Variants in RUFY2 observed in about 807,000 individuals in gnomAD.
RUFY2 encodes the protein RUN and FYVE domain-containing protein 2.
Under a neutral mutation model 94.4 loss-of-function variants are expected in RUFY2, and 49 were observed. The observed-to-expected ratio is 0.52, with a 90% CI of 0.41 to 0.66. RUFY2 has a LOEUF of 0.66. Ranked by LOEUF, RUFY2 falls within the 30% of genes least tolerant of loss-of-function variation. The pLI, the probability that RUFY2 is intolerant of heterozygous loss-of-function variation, is 0.00. For missense variants in RUFY2, 541 were observed against 692.8 expected (o/e 0.78, Z 2.46); for synonymous variants, 255 against 235.7 (o/e 1.08, Z -0.75).
downstream of RUFY2, chr10:68,341,731 C>CA: frequency 6.3e-7 from 1 of 1,584,414 alleles, no homozygotes; most frequent in South Asian, 1.1e-5. Context: ...CGATGAGTCT[C>CA]AATTTTTTTT....
intron 7 of RUFY2, among the ~76,000 whole-genome samples, chr10:68,387,096 C>A (rs939254546): frequency 5.3e-5 from 8 of 152,184 alleles, no homozygotes. Context: ...GTGGCTCACA[C>A]CTGTAATCCC....
intron 16 of RUFY2, among the ~76,000 whole-genome samples, chr10:68,354,131 T>C (rs1327699036): frequency 6.6e-6 from 1 of 152,116 alleles, no homozygotes; most frequent in Non-Finnish European, 1.5e-5. Flanking sequence ...ATCATCATCA[T>C]TATTATTAAT....
At chr10:68,406,925 TG>T in intron 1 of RUFY2, 1 of 1,560,064 alleles carries the variant, frequency 6.4e-7, no homozygotes, top group Non-Finnish European at 8.7e-7. Context: ...TCCTCGCTCC[TG>T]GACGCCGTGG....
chr10:68,371,577 C>T (rs1032004358), intron 13 of RUFY2, among the ~76,000 whole-genome samples: 3 of 147,798 alleles, frequency 2.0e-5, no homozygotes, highest in Non-Finnish European at 3.0e-5. Flanking sequence ...GGCGACAGAG[C>T]GAGACTCCGC....
At chr10:68,354,517 T>C (rs1028977825) in intron 16 of RUFY2, among the ~76,000 whole-genome samples, 4 of 152,346 alleles carry the variant, frequency 2.6e-5, no homozygotes, top group Middle Eastern at 3.4e-3. Context: ...GGAAGCCACC[T>C]ATCACTGAAG....
At position 68,345,628 on chromosome 10, in the gene RUFY2, T is replaced by A; in HGVS notation, c.*140A>T. On this transcript the variant is annotated 3_prime_UTR_variant, in exon 18 of 18. Transcript: ENST00000602465. The stretch of plus-strand genomic sequence containing the variant: ...GGAAATATATAACTTGTAATTTCCA[T>A]GAGCTGAATATGTAGAAGATAAACT... 1.5e-6 allele frequency: 1 copy of A among 648,576 alleles called. No homozygotes were observed. Among genetic ancestry groups the A allele is most frequent in the Non-Finnish European group, 2.6e-6 (1 of 383,506 alleles). 40.2% of individuals were successfully genotyped at this position (648,576 alleles called of 1,614,324 possible). A position where few individuals can be genotyped will look rare whatever the true frequency, so the allele number is the denominator to read the frequency against.
chr10:68,350,967 T>G (rs1199489788), intron 16 of RUFY2, among the ~76,000 whole-genome samples: 3 of 152,070 alleles, frequency 2.0e-5, no homozygotes, highest in Non-Finnish European at 4.4e-5. Context: ...CACCTCGGCC[T>G]CCTAAAGTGC....
chr10:68,346,155 A>C, intron 16 of RUFY2, 71 bp from the exon 17 acceptor site: 2 of 1,154,348 alleles, frequency 1.7e-6, no homozygotes, highest in Non-Finnish European at 1.3e-6. Flanking sequence ...TTTTCCCCCA[A>C]GAACATTATT....
chr10:68,365,516 T>C (rs1305728852), intron 13 of RUFY2, among the ~76,000 whole-genome samples: 2 of 152,242 alleles, frequency 1.3e-5, no homozygotes, highest in African/African-American at 2.4e-5. Context: ...TGGTTCCTAC[T>C]GGGTGCCTGA....
chr10:68,381,840 T>C (rs10823187), intron 10 of RUFY2, among the ~76,000 whole-genome samples: 27,020 of 152,166 alleles, frequency 0.18, 2,604 homozygotes, highest in South Asian at 0.25. Flanking sequence ...AGAGTAAGAC[T>C]CTGTCTCAAA....
intron 11 of RUFY2, 34 bp from the exon 12 acceptor site, chr10:68,379,555 ATTTGTGTGTGTGTG>A (rs769024587): frequency 2.3e-5 from 34 of 1,479,534 alleles, no homozygotes; most frequent in African/African-American, 5.6e-5. Flanking sequence ...GGTGGTTTTG[ATTTGTGTGTGTGTG>A]TTTGTGTGTG....
chr10:68,364,937 A>C (rs1369714559), intron 13 of RUFY2, among the ~76,000 whole-genome samples: 1 of 152,056 alleles, frequency 6.6e-6, no homozygotes, highest in Non-Finnish European at 1.5e-5. Flanking sequence ...AAAAACAAAC[A>C]CAAATCACTT....
intron 12 of RUFY2, 78 bp from the exon 13 acceptor site, chr10:68,377,050 G>T: frequency 6.4e-7 from 1 of 1,552,600 alleles, no homozygotes; most frequent in South Asian, 1.2e-5. Context: ...ACAAATAAAA[G>T]AAAAATGGGG....
At chr10:68,383,637 T>C (rs2049264292) in intron 10 of RUFY2, among the ~76,000 whole-genome samples, 161 bp downstream of exon 10, 1 of 152,094 alleles carries the variant, frequency 6.6e-6, no homozygotes, top group African/African-American at 2.4e-5. Context: ...CAATAAAACA[T>C]TGATATAGTG....
In RUFY2 at chr10:68,390,768, GT is replaced by G. The variant is rs560352188; in HGVS notation, c.650+2369del. ...GTACCACCATGCCAGGCTAATAATA[GT>G]TTTTTTTTTTTCTTTGAGACAAGGT... On this transcript the variant is annotated intron_variant, in intron 7 of 17. Transcript: ENST00000602465. Among the ~76,000 whole-genome samples the G allele has an allele frequency of 9.0e-3, 1,316 of 146,332 alleles. 26 individuals are homozygous for G. Among genetic ancestry groups the G allele is most frequent in the African/African-American group, 0.03 (1,206 of 40,228 alleles).
At chr10:68,372,817 G>A (rs978607976) in intron 13 of RUFY2, among the ~76,000 whole-genome samples, 2 of 151,884 alleles carry the variant, frequency 1.3e-5, no homozygotes, top group African/African-American at 2.4e-5. Flanking sequence ...CCTGAGATGG[G>A]AGGATTACTA....
chr10:68,355,099 G>A (rs982460560), intron 16 of RUFY2, among the ~76,000 whole-genome samples: 1 of 152,026 alleles, frequency 6.6e-6, no homozygotes, highest in East Asian at 1.9e-4. Flanking sequence ...CACCTGCCTC[G>A]GCCTCCCAAA....
At chr10:68,395,344 A>T (rs2050315322) in intron 4 of RUFY2, among the ~76,000 whole-genome samples, 1 of 151,230 alleles carries the variant, frequency 6.6e-6, no homozygotes, top group African/African-American at 2.5e-5. Flanking sequence ...TCTCAAGAAA[A>T]TAAAAAAAAA....
chr10:68,392,041 T>G (rs75346959), intron 7 of RUFY2, among the ~76,000 whole-genome samples: 2 of 151,748 alleles, frequency 1.3e-5, no homozygotes, highest in Non-Finnish European at 2.9e-5. Context: ...TTTTTTTTTT[T>G]GAGACGGAGT....
Sources: allele counts gnomAD v4.1 joint callset (sites outside exome capture counted in the v4.1 genomes callset), GRCh38; gene constraint gnomAD v4.1.1; transcripts MANE v1.5; gene names NCBI Gene and HGNC (gene_info 2026-07-23, HGNC 2026-07-21).